PLBD1: variants seen among roughly 807,000 people sequenced by gnomAD.
The protein encoded by PLBD1 is phospholipase B domain containing 1.
PLBD1 carries 60 observed loss-of-function variants against 63.0 expected under a neutral mutation model. The observed-to-expected ratio is 0.95, with a 90% CI of 0.77 to 1.18. The LOEUF (loss-of-function observed/expected upper bound fraction) is 1.18, where lower values mean the gene tolerates loss of function less well. Among genes scored for constraint, PLBD1 ranks in the 50% most tolerant of loss-of-function variants. PLBD1 has a pLI of 0.00. For missense variants in PLBD1, 598 were observed against 677.9 expected, an observed-to-expected ratio of 0.88 and a Z score of 1.31; for synonymous variants, 262 against 248.0, an observed-to-expected ratio of 1.06 and a Z score of -0.53.
intron 9 of PLBD1, among the ~76,000 whole-genome samples, chr12:14,506,655 G>A (rs976638190): frequency 5.3e-5 from 8 of 151,718 alleles, no homozygotes; most frequent in Non-Finnish European, 1.2e-4. Context: ...ACTTGTGTTT[G>A]GAGAAAAATT....
intron 2 of PLBD1, among the ~76,000 whole-genome samples, chr12:14,549,048 G>A (rs1210700544): frequency 6.6e-6 from 1 of 152,140 alleles, no homozygotes; most frequent in African/African-American, 2.4e-5. Context: ...AACTCTTAGG[G>A]AACTGTCCTA....
Position 14,507,134 on chromosome 12 carries a change from A to G in PLBD1, c.1187-16T>C. On this transcript the variant is annotated splice_polypyrimidine_tract_variant and intron_variant, in intron 8 of 10. Transcript: ENST00000240617. ...GGCCAATATCCTGATTTGGAATGGA[A>G]GGGAAGTAAGGGAGGGATTGACAGG... 2 of 1,559,052 alleles carry G rather than the reference A, an allele frequency of 1.3e-6. No homozygotes were observed. Among genetic ancestry groups the G allele is most frequent in the Non-Finnish European group, 1.8e-6 (2 of 1,134,720 alleles).
At chr12:14,528,671 C>T (rs1945436141) in intron 6 of PLBD1, among the ~76,000 whole-genome samples, 1 of 150,738 alleles carries the variant, frequency 6.6e-6, no homozygotes, top group South Asian at 2.1e-4. Context: ...CATTAAGAAG[C>T]TAGAAAAAAT....
chr12:14,543,843 C>G (rs1945594451), intron 2 of PLBD1, among the ~76,000 whole-genome samples: 1 of 152,124 alleles, frequency 6.6e-6, no homozygotes, highest in Admixed American at 6.5e-5. Context: ...ATTATACTTG[C>G]TAAAGTATAT....
chr12:14,516,521 T>C (rs1017839395), intron 6 of PLBD1, among the ~76,000 whole-genome samples: 4 of 152,142 alleles, frequency 2.6e-5, no homozygotes, highest in Non-Finnish European at 4.4e-5. Flanking sequence ...TGGATGACAC[T>C]GCATTTTTAG....
intron 6 of PLBD1, among the ~76,000 whole-genome samples, chr12:14,535,101 G>A (rs1014506703): frequency 2.0e-5 from 3 of 152,124 alleles, no homozygotes; most frequent in Admixed American, 6.5e-5. Flanking sequence ...CACTTCTTTT[G>A]TAGCACATAC....
chr12:14,537,088 C>CAA (rs371859037), intron 4 of PLBD1, among the ~76,000 whole-genome samples: 14 of 53,264 alleles, frequency 2.6e-4, no homozygotes, highest in South Asian at 1.3e-3. Flanking sequence ...GACCGCATCT[C>CAA]AAAAAAAAAA....
chr12:14,521,627 C>T (rs891766396), intron 6 of PLBD1, among the ~76,000 whole-genome samples: 12 of 152,098 alleles, frequency 7.9e-5, no homozygotes, highest in Admixed American at 2.0e-4. Context: ...ACAACCGACA[C>T]CTTAGGACAC....
At chr12:14,506,411 TAG>T (rs1479253602) in intron 9 of PLBD1, 143 bp from the exon 10 acceptor site, 2 of 611,950 alleles carry the variant, frequency 3.3e-6, no homozygotes, top group African/African-American at 1.9e-5. Flanking sequence ...TGCTTCCAGA[TAG>T]AGACATCTCC....
chr12:14,545,747 C>T (rs777374368), intron 2 of PLBD1, among the ~76,000 whole-genome samples: 3 of 151,848 alleles, frequency 2.0e-5, no homozygotes, highest in African/African-American at 7.3e-5. Flanking sequence ...GTGAAGTACA[C>T]GACATTATGA....
rs371881370 is a variant in PLBD1 at position 14,503,912 on chromosome 12, T to C, written c.1522A>G (p.Ile508Val). 5 of 1,614,110 alleles carry C rather than the reference T, an allele frequency of 3.1e-6. No homozygotes were observed. Among genetic ancestry groups the C allele is most frequent in the East Asian group, 2.2e-5 (1 of 44,884 alleles). ...CCACCTTGTACTGTGGGACCACTTA[T>C]GGCATAGGATGTGTACTGAGATGCT... Reference protein sequence around the residue: ...YLASQYTSYAISGPTVQGGLP... With the variant: ...YLASQYTSYAVSGPTVQGGLP... The change falls in exon 11 of 11, where the codon ATA becomes GTA. Residue 508 changes from isoleucine to valine, a missense_variant. Physicochemically the swap from Ile to Val is conservative, Grantham distance 29 (BLOSUM62 3). Transcript: ENST00000240617.
At chr12:14,516,623 AAGT>A (rs1397663572) in intron 6 of PLBD1, among the ~76,000 whole-genome samples, 2 of 152,108 alleles carry the variant, frequency 1.3e-5, no homozygotes, top group African/African-American at 4.8e-5. Context: ...ATATAATGAG[AAGT>A]AGGAACACAC....
Position 14,567,616 on chromosome 12 carries a change from CA to C in PLBD1, c.80del (p.Leu27ArgfsTer3). 6.9e-7 allele frequency: 1 copy of C among 1,442,874 alleles called. No individual in the cohort carries two copies. The highest frequency in any genetic ancestry group is 3.0e-5 in the East Asian group (1 of 33,300). The allele number at this position is 1,442,874 out of a possible 1,614,324, so 89.4% of individuals were successfully genotyped here. ...TCGGCGGCTCCGCGGTGACTAACAA[CA>C]GCGGCAGCAGCAGCAGCAGCAGCAG... The part of the protein sequence containing the change: ...PLLLLLLLLP[L>X]LLVTAEPPKP... On this transcript the variant is annotated frameshift_variant, in exon 1 of 11. Transcript: ENST00000240617. LOFTEE classifies it high-confidence loss of function.
rs537439273 is a variant in PLBD1, at chr12:14,503,737, T to G, written c.*35A>C. 6.4e-7 allele frequency: 1 copy of G among 1,559,918 alleles called. No individual in the cohort carries two copies. The highest frequency in any genetic ancestry group is 1.4e-5 in the African/African-American group (1 of 73,338). Reference sequence around the variant, plus strand: ...TAGCTAAAATAGTGCCTTTGGTATCTTATTTACAGTCTTCTAGTCCGTCAT... The same window carrying G: ...TAGCTAAAATAGTGCCTTTGGTATCGTATTTACAGTCTTCTAGTCCGTCAT... On this transcript the variant is annotated 3_prime_UTR_variant, in exon 11 of 11. Coordinates refer to ENST00000240617, the MANE Select transcript of PLBD1 (RefSeq NM_024829.6).
intron 1 of PLBD1, among the ~76,000 whole-genome samples, chr12:14,559,265 A>G (rs927005027): frequency 1.3e-5 from 2 of 152,158 alleles, no homozygotes; most frequent in African/African-American, 4.8e-5. Context: ...TGACAAAATA[A>G]TGTTTCTTTG....
At position 14,503,869 on chromosome 12, in the gene PLBD1, C is replaced by T; in HGVS notation, c.1565G>A (p.Trp522Ter). 2 of 1,613,846 alleles carry T rather than the reference C, an allele frequency of 1.2e-6. No homozygotes were observed. The highest frequency in any genetic ancestry group is 1.3e-5 in the African/African-American group (1 of 74,976). ...TVQGGLPVFRWDRFNKTLHQG... is the reference protein window; with the variant it reads ...TVQGGLPVFR ...ATGTAGAGTTTTGTTGAAACGGTCC[C>T]AGCGAAAAACAGGGAGGCCACCTTG... The change falls in exon 11 of 11, where the codon TGG becomes TAG. Residue 522 changes from tryptophan (W) to a stop codon, truncating the protein, a stop_gained. Transcript: ENST00000240617. LOFTEE classifies it high-confidence loss of function.
chr12:14,567,882 G>A lies in PLBD1; in HGVS notation c.-186C>T. 1.3e-6 allele frequency: 1 copy of A among 765,366 alleles called. No homozygotes were observed. Among genetic ancestry groups the A allele is most frequent in the Non-Finnish European group, 1.8e-6 (1 of 540,838 alleles). 47.4% of individuals were successfully genotyped at this position (765,366 alleles called of 1,614,324 possible). ...CTGAGGGGCGAGGACGCTTCACGTG[G>A]TGGCCTGGGGCCCACCCCGCCTAGG... On this transcript the variant is annotated 5_prime_UTR_variant, in exon 1 of 11. Coordinates refer to ENST00000240617, the MANE Select transcript of PLBD1 (RefSeq NM_024829.6).
chr12:14,567,167 G>A (rs879675722), intron 1 of PLBD1, among the ~76,000 whole-genome samples: 2 of 152,106 alleles, frequency 1.3e-5, no homozygotes, highest in East Asian at 1.9e-4. Flanking sequence ...TCGTGCAATC[G>A]TGATTTTAAG....
chr12:14,506,110 G>T, intron 10 of PLBD1, 52 bp downstream of exon 10: 1 of 1,300,302 alleles, frequency 7.7e-7, no homozygotes, highest in South Asian at 1.3e-5. Context: ...TTTGCCTTTG[G>T]AGAGGCCTGT....
Sources: allele counts gnomAD v4.1 joint callset (sites outside exome capture counted in the v4.1 genomes callset), GRCh38; gene constraint gnomAD v4.1.1; transcripts MANE v1.5; gene names NCBI Gene and HGNC (gene_info 2026-07-23, HGNC 2026-07-21).